ADAM23: variants seen among roughly 807,000 people sequenced by gnomAD.
ADAM23 encodes disintegrin and metalloproteinase domain-containing protein 23.
In ADAM23, 33 loss-of-function variants were observed where a neutral mutation model predicts 120.1. That is an observed-to-expected ratio of 0.27 (90% CI 0.21 to 0.37). The LOEUF is 0.37. Ranked by LOEUF, ADAM23 falls within the 10% of genes least tolerant of loss-of-function variation. ADAM23 has a pLI of 1.00. For synonymous variants in ADAM23, 367 were observed against 375.2 expected (o/e 0.98, Z 0.25); for missense variants, 862 against 1,058.2 (o/e 0.81, Z 2.57).
intron 24 of ADAM23, among the ~76,000 whole-genome samples, chr2:206,600,596 C>G (rs1698622407): frequency 6.6e-6 from 1 of 152,118 alleles, no homozygotes; most frequent in Non-Finnish European, 1.5e-5. Context: ...TTGAGAATGT[C>G]AGAAATGAAC....
At chr2:206,571,659 G>A (rs565282940) in intron 16 of ADAM23, 68 bp from the exon 17 acceptor site, 9 of 1,097,364 alleles carry the variant, frequency 8.2e-6, no homozygotes, top group East Asian at 2.4e-5. Context: ...TGCATGCCAC[G>A]TGTGGAGAGA....
intron 3 of ADAM23, among the ~76,000 whole-genome samples, chr2:206,493,673 A>C (rs1367406954): frequency 1.3e-5 from 2 of 152,246 alleles, no homozygotes; most frequent in African/African-American, 4.8e-5. Context: ...CACCTAGCCT[A>C]TATTGGCTTT....
chr2:206,514,878 C>T (rs994943601), intron 3 of ADAM23, among the ~76,000 whole-genome samples: 2 of 152,144 alleles, frequency 1.3e-5, no homozygotes, highest in East Asian at 1.9e-4. Context: ...TGATCATTAG[C>T]GTTTTTTAGC....
chr2:206,583,836 C>T (rs901061145), intron 18 of ADAM23, among the ~76,000 whole-genome samples: 2 of 152,092 alleles, frequency 1.3e-5, no homozygotes, highest in African/African-American at 4.8e-5. Flanking sequence ...TATAACTAAC[C>T]TCCTGAAATT....
At chr2:206,519,839 C>G (rs1019842732) in intron 3 of ADAM23, among the ~76,000 whole-genome samples, 6 of 151,952 alleles carry the variant, frequency 3.9e-5, no homozygotes, top group African/African-American at 1.5e-4. Context: ...TAGTGAGACT[C>G]CATCTCTACA....
intron 25 of ADAM23, among the ~76,000 whole-genome samples, chr2:206,614,835 G>GT (rs1311278724): frequency 1.3e-5 from 2 of 152,100 alleles, no homozygotes; most frequent in African/African-American, 4.8e-5. Flanking sequence ...CCAGACTGCT[G>GT]TTTTTTTGAA....
intron 2 of ADAM23, among the ~76,000 whole-genome samples, chr2:206,478,635 A>G (rs1311615630): frequency 1.3e-5 from 2 of 152,210 alleles, no homozygotes; most frequent in African/African-American, 4.8e-5. Flanking sequence ...GTTTGCGATC[A>G]TAAATGTCAC....
chr2:206,486,838 C>A (rs143354299), intron 3 of ADAM23, among the ~76,000 whole-genome samples: 1 of 152,244 alleles, frequency 6.6e-6, no homozygotes, highest in East Asian at 1.9e-4. Context: ...AATTCTAGAA[C>A]GTTTTCATCA....
chr2:206,602,119 A>C (rs533120243), intron 24 of ADAM23, among the ~76,000 whole-genome samples: 1 of 152,302 alleles, frequency 6.6e-6, no homozygotes, highest in African/African-American at 2.4e-5. Context: ...AGTTATCCTT[A>C]TCATATATGA....
Position 206,452,989 on chromosome 2 carries a change from T to C in ADAM23, c.432+7465T>C, listed in dbSNP as rs932673719. Among the ~76,000 whole-genome samples the C allele has an allele frequency of 3.9e-5, 6 of 152,342 alleles. No individual in the cohort carries two copies. In the East Asian group the frequency reaches 1.2e-3, roughly 29 times the overall value. On this transcript the variant is annotated intron_variant, in intron 2 of 25. Transcript: ENST00000264377. ...GACAGATTAATCTTTATGGAACACTTATTTCATCATGTGACTCCCTTTATC... is the reference window on the plus strand; with the variant it reads ...GACAGATTAATCTTTATGGAACACTCATTTCATCATGTGACTCCCTTTATC...
chr2:206,449,399 C>G (rs539257094), intron 2 of ADAM23, among the ~76,000 whole-genome samples: 1 of 152,194 alleles, frequency 6.6e-6, no homozygotes, highest in South Asian at 2.1e-4. Context: ...TAGATTCATT[C>G]ATTCATTCTG....
intron 3 of ADAM23, among the ~76,000 whole-genome samples, chr2:206,484,929 C>G (rs1009714695): frequency 6.6e-6 from 1 of 152,184 alleles, no homozygotes; most frequent in Non-Finnish European, 1.5e-5. Flanking sequence ...TGCACATGCT[C>G]TCTTGCCTGC....
Position 206,573,171 on chromosome 2 carries a change from A to G in ADAM23, c.1713A>G (p.Glu571=), listed in dbSNP as rs578062105. Residue 571 remains glutamate (E), a synonymous_variant, in exon 18 of 26, where the codon GAA becomes GAG. Transcript: ENST00000264377. ...CTGTGAACGAGTGTGATATTACTGAATATTGTACTGGAGACTCTGGTCAGG... is the reference window on the plus strand; with the variant it reads ...CTGTGAACGAGTGTGATATTACTGAGTATTGTACTGGAGACTCTGGTCAGG... ...RDAVNECDIT[E]YCTGDSGQCP... is the part of the protein sequence containing the mutation. 1.9e-6 allele frequency: 3 copies of G among 1,613,924 alleles called. No homozygotes were observed. The South Asian group carries it at 3.3e-5, about 18-fold the overall frequency.
chr2:206,461,410 C>T (rs998608838), intron 2 of ADAM23, among the ~76,000 whole-genome samples: 5 of 152,018 alleles, frequency 3.3e-5, no homozygotes. Flanking sequence ...TCATAAGTTT[C>T]TTTAAAAGGG....
chr2:206,573,049 A>T (rs984211176), intron 17 of ADAM23, 66 bp from the exon 18 acceptor site: 5 of 1,535,560 alleles, frequency 3.3e-6, no homozygotes, highest in Non-Finnish European at 4.5e-6. Context: ...GGTGAGTCTA[A>T]GAATGTTATA....
At chr2:206,578,627 T>C (rs183503185) in intron 18 of ADAM23, among the ~76,000 whole-genome samples, 28 of 152,270 alleles carry the variant, frequency 1.8e-4, no homozygotes, top group Admixed American at 1.6e-3. Flanking sequence ...CATTGATTGA[T>C]GGGCATTTGG....
chr2:206,449,710 C>T (rs752939968), intron 2 of ADAM23, among the ~76,000 whole-genome samples: 7 of 152,174 alleles, frequency 4.6e-5, no homozygotes, highest in East Asian at 3.9e-4. Flanking sequence ...GCGGAGGTTG[C>T]GGTGAGCGTC....
At chr2:206,489,239 TC>T (rs1423201710) in intron 3 of ADAM23, among the ~76,000 whole-genome samples, 1 of 152,192 alleles carries the variant, frequency 6.6e-6, no homozygotes, top group Non-Finnish European at 1.5e-5. Context: ...TTTTTGTGAT[TC>T]CTGAATCCAG....
At chr2:206,477,893 AAAAAATATATAT>A (rs1415472846) in intron 2 of ADAM23, among the ~76,000 whole-genome samples, 2 of 101,474 alleles carry the variant, frequency 2.0e-5, no homozygotes, top group East Asian at 4.9e-4. Context: ...AAAAAAAAAA[AAAAAATATATAT>A]ATATATATAT....
Sources: gnomAD v4.1 joint callset for allele counts (sites outside exome capture counted in the v4.1 genomes callset) on GRCh38, gnomAD v4.1.1 for gene constraint, MANE v1.5 for transcripts, NCBI Gene and HGNC (gene_info 2026-07-23, HGNC 2026-07-21) for gene names.